The following SLCO3A1 variants were observed in gnomAD, a reference collection of about 807,000 sequenced individuals.
The protein encoded by SLCO3A1 is solute carrier organic anion transporter family member 3A1.
Under a neutral mutation model 63.1 loss-of-function variants are expected in SLCO3A1, and 27 were observed. The ratio of observed to expected loss-of-function variants is 0.43; its 90% confidence interval spans 0.32 to 0.59. The LOEUF is 0.59. SLCO3A1 is among the 20% of genes least tolerant of loss of function. SLCO3A1 has a pLI of 0.09. For missense variants in SLCO3A1, 773 were observed against 945.8 expected (o/e 0.82, Z 2.40); for synonymous variants, 473 against 409.9 (o/e 1.15, Z -1.86).
intron 1 of SLCO3A1, among the ~76,000 whole-genome samples, chr15:91,913,665 T>C (rs2151378173): frequency 6.6e-6 from 1 of 152,356 alleles, no homozygotes; most frequent in South Asian, 2.1e-4. Context: ...CGTATGTTTA[T>C]ATGTGCATAG....
chr15:92,120,694 A>C (rs2047853235), intron 5 of SLCO3A1, 65 bp downstream of exon 5: 1 of 1,455,056 alleles, frequency 6.9e-7, no homozygotes, highest in African/African-American at 1.4e-5. Flanking sequence ...AGGCACTAAA[A>C]ATTTACTGAG....
intron 7 of SLCO3A1, among the ~76,000 whole-genome samples, chr15:92,140,427 TGTG>T (rs951814732): frequency 6.0e-5 from 9 of 150,704 alleles, no homozygotes; most frequent in Non-Finnish European, 1.0e-4. Context: ...ATAGGTGTGG[TGTG>T]GTGCTGAAAA....
intron 6 of SLCO3A1, among the ~76,000 whole-genome samples, chr15:92,127,664 T>C (rs1330219644): frequency 6.6e-6 from 1 of 152,244 alleles, no homozygotes; most frequent in Non-Finnish European, 1.5e-5. Flanking sequence ...ACACTCACTC[T>C]ACCCTTTTGT....
intron 2 of SLCO3A1, among the ~76,000 whole-genome samples, chr15:92,051,723 A>G (rs1196352774): frequency 6.6e-6 from 1 of 152,026 alleles, no homozygotes; most frequent in Non-Finnish European, 1.5e-5. Flanking sequence ...TATCTGAGAG[A>G]TGAGAAATGG....
chr15:92,064,532 A>G (rs1479683298), intron 2 of SLCO3A1, among the ~76,000 whole-genome samples: 1 of 152,236 alleles, frequency 6.6e-6, no homozygotes, highest in Non-Finnish European at 1.5e-5. Context: ...AGTGTCCTAA[A>G]GTGTCTTCCC....
Position 91,962,502 on chromosome 15 carries a change from G to A in SLCO3A1, c.646+46044G>A, listed in dbSNP as rs201445500. ...CTCAAAAAAAAAAAAAAAAAAAAAA[G>A]AGCAAGGATTTCCTGTGGCCTGAGA... On this transcript the variant is annotated intron_variant, in intron 2 of 9. Transcript: ENST00000318445. 3.9e-3 allele frequency among the ~76,000 whole-genome samples: 432 copies of A among 111,920 alleles called. 2 individuals carry two copies. Among genetic ancestry groups the A allele is most frequent in the Non-Finnish European group, 5.2e-3 (272 of 51,982 alleles). The allele number at this position is 111,920 out of a possible 152,430, so 73.4% of individuals were successfully genotyped here. A position where few individuals can be genotyped will look rare whatever the true frequency, so the allele number is the denominator to read the frequency against.
At chr15:91,936,113 G>A (rs4932516) in intron 2 of SLCO3A1, among the ~76,000 whole-genome samples, 30,347 of 152,100 alleles carry the variant, frequency 0.2, 3,533 homozygotes, top group Non-Finnish European at 0.27. Context: ...CAGATACAAC[G>A]GGAATGATAA....
intron 2 of SLCO3A1, among the ~76,000 whole-genome samples, chr15:92,073,831 G>A (rs1311915364): frequency 6.6e-6 from 1 of 152,238 alleles, no homozygotes; most frequent in Non-Finnish European, 1.5e-5. Context: ...AGTGTTCCCT[G>A]GCGGGCAAAG....
chr15:92,019,770 T>C (rs548279889), intron 2 of SLCO3A1, among the ~76,000 whole-genome samples: 116 of 152,294 alleles, frequency 7.6e-4, no homozygotes, highest in African/African-American at 2.7e-3. Flanking sequence ...GTGTGTGTGT[T>C]AGATATGTAC....
At chr15:92,114,723 T>G (rs1375244771) in intron 4 of SLCO3A1, among the ~76,000 whole-genome samples, 1 of 152,198 alleles carries the variant, frequency 6.6e-6, no homozygotes, top group East Asian at 1.9e-4. Flanking sequence ...GGGTCTCATG[T>G]GTTGGGAAGC....
chr15:92,085,717 T>C (rs917273897), intron 2 of SLCO3A1, among the ~76,000 whole-genome samples: 1 of 152,184 alleles, frequency 6.6e-6, no homozygotes, highest in Non-Finnish European at 1.5e-5. Flanking sequence ...ATGAAGTCTA[T>C]AAACAAATCA....
At chr15:91,866,218 T>A (rs1038039867) in intron 1 of SLCO3A1, among the ~76,000 whole-genome samples, 3 of 151,546 alleles carry the variant, frequency 2.0e-5, no homozygotes, top group Non-Finnish European at 4.4e-5. Flanking sequence ...AGAATGCATG[T>A]AAAAAAAAAT....
At chr15:92,054,222 C>T (rs1453433408) in intron 2 of SLCO3A1, among the ~76,000 whole-genome samples, 1 of 152,168 alleles carries the variant, frequency 6.6e-6, no homozygotes, top group Non-Finnish European at 1.5e-5. Context: ...CTTTCTGGCT[C>T]TATGAGATGC....
chr15:91,869,532 AAAATT>A, intron 1 of SLCO3A1, among the ~76,000 whole-genome samples: 1 of 150,482 alleles, frequency 6.6e-6, no homozygotes, highest in African/African-American at 2.4e-5. Flanking sequence ...GAAAAAAAAA[AAAATT>A]AAAAAATTAG....
At chr15:92,142,410 C>G (rs1195756413) in intron 7 of SLCO3A1, among the ~76,000 whole-genome samples, 1 of 152,152 alleles carries the variant, frequency 6.6e-6, no homozygotes, top group Admixed American at 6.5e-5. Flanking sequence ...ATAGATGGCA[C>G]CCTCTAGCTG....
Position 91,948,793 on chromosome 15 carries a change from T to G in SLCO3A1, c.646+32335T>G, listed in dbSNP as rs1049436469. On this transcript the variant is annotated intron_variant, in intron 2 of 9. Coordinates refer to ENST00000318445, the MANE Select transcript of SLCO3A1 (RefSeq NM_013272.4). This position sits in a 1 kb window ranked among gnomAD's most constrained non-coding sequence, Gnocchi z 4.8. ...CCTTTGGGTCCTGTATCCTGACTAA[T>G]GACCCCAAAGATATTCTGGGTGGCA... Among the ~76,000 whole-genome samples the G allele has an allele frequency of 2.0e-5, 3 of 152,176 alleles. No individual in the cohort carries two copies. Among genetic ancestry groups the G allele is most frequent in the Non-Finnish European group, 4.4e-5 (3 of 68,038 alleles).
intron 2 of SLCO3A1, among the ~76,000 whole-genome samples, chr15:91,919,024 G>A (rs189385418): frequency 4.2e-4 from 64 of 152,234 alleles, no homozygotes; most frequent in Non-Finnish European, 5.9e-5. Context: ...TTGTTCTTGA[G>A]CTGAGCCTTC....
At chr15:92,067,639 G>T (rs1383242609) in intron 2 of SLCO3A1, among the ~76,000 whole-genome samples, 1 of 152,216 alleles carries the variant, frequency 6.6e-6, no homozygotes, top group East Asian at 1.9e-4. Context: ...CTAACTGCAA[G>T]TAGATGGTGC....
intron 1 of SLCO3A1, among the ~76,000 whole-genome samples, chr15:91,874,003 C>A (rs28475884): frequency 6.6e-6 from 1 of 151,770 alleles, no homozygotes; most frequent in African/African-American, 2.4e-5. Context: ...TAGTAGTCCC[C>A]CTTGCTCTTG....
Sources: gnomAD v4.1 joint callset for allele counts (sites outside exome capture counted in the v4.1 genomes callset) on GRCh38, gnomAD v4.1.1 for gene constraint, Gnocchi (gnomAD v3.1) non-coding constraint, MANE v1.5 for transcripts, NCBI Gene and HGNC (gene_info 2026-07-23, HGNC 2026-07-21) for gene names.